AAMP: variants seen among roughly 807,000 people sequenced by gnomAD.
AAMP encodes the protein angio-associated migratory cell protein.
AAMP carries 12 observed loss-of-function variants against 51.1 expected under a neutral mutation model. That is an observed-to-expected ratio of 0.23 (90% CI 0.15 to 0.38). The LOEUF is 0.38. AAMP is among the 10% of genes least tolerant of loss of function. The pLI is 1.00. For synonymous variants in AAMP, 210 were observed against 218.7 expected, an observed-to-expected ratio of 0.96 and a Z score of 0.35; for missense variants, 418 against 557.2, an observed-to-expected ratio of 0.75 and a Z score of 2.52.
chr2:218,268,007 C>T (rs556833870), intron 2 of AAMP, among the ~76,000 whole-genome samples: 1 of 152,270 alleles, frequency 6.6e-6, no homozygotes, highest in East Asian at 1.9e-4. Flanking sequence ...CTTGCTCTGT[C>T]GCCCAGGCTG....
Position 218,267,092 on chromosome 2 carries a change from AAG to A in AAMP, c.395-108_395-107del. 1 of 1,374,756 alleles carries A rather than the reference AAG, an allele frequency of 7.3e-7. No individual in the cohort carries two copies. Among genetic ancestry groups the A allele is most frequent in the East Asian group, 2.3e-5 (1 of 42,618 alleles). 85.2% of individuals were successfully genotyped at this position (1,374,756 alleles called of 1,614,324 possible). On this transcript the variant is annotated intron_variant, in intron 3 of 10. Coordinates refer to ENST00000248450, the MANE Select transcript of AAMP (RefSeq NM_001087.5). This position sits in a 1 kb window ranked among gnomAD's most constrained non-coding sequence, Gnocchi z 4.6. ...CACTGAAAGGACCAGCTAGGAAAAAAAGAGGGGCGGGACTGAGCAGAACAGGT... is the reference window on the plus strand; with the variant it reads ...CACTGAAAGGACCAGCTAGGAAAAAAAGGGGCGGGACTGAGCAGAACAGGT...
intron 2 of AAMP, among the ~76,000 whole-genome samples, chr2:218,268,906 C>T (rs1447311463): frequency 6.6e-6 from 1 of 152,028 alleles, no homozygotes; most frequent in Non-Finnish European, 1.5e-5. Flanking sequence ...ACCATATTGG[C>T]CAGGCTGGTC....
At chr2:218,269,316 T>A in intron 2 of AAMP, 66 bp downstream of exon 2, 1 of 1,594,994 alleles carries the variant, frequency 6.3e-7, no homozygotes, top group Non-Finnish European at 8.6e-7. Context: ...GTTCTGTCCA[T>A]GGCTGATGTT....
At position 218,267,593 on chromosome 2, in the gene AAMP, G is replaced by T. The variant is rs1559493404; in HGVS notation, c.295C>A (p.Leu99Met). 1 of 1,614,144 alleles carries T rather than the reference G, an allele frequency of 6.2e-7. No homozygotes were observed. The highest frequency in any genetic ancestry group is 8.5e-7 in the Non-Finnish European group (1 of 1,180,036). Residue 99 changes from leucine (L) to methionine (M), a missense_variant, in exon 3 of 11, where the codon CTG becomes ATG. By Grantham distance (15) the Leu-to-Met change is conservative. Coordinates refer to ENST00000248450, the MANE Select transcript of AAMP (RefSeq NM_001087.5). The surrounding 1 kb of genome is among the most constrained non-coding windows in gnomAD (Gnocchi z 4.6). ...GCCAAGGTATTGGTCTTGGGGTCCAGGCTCACACAAAACACAGATGCTGTC... is the reference window on the plus strand; with the variant it reads ...GCCAAGGTATTGGTCTTGGGGTCCATGCTCACACAAAACACAGATGCTGTC... Reference protein sequence around the residue: ...LHSASVFCVSLDPKTNTLAVT... With the variant: ...LHSASVFCVSMDPKTNTLAVT...
In AAMP at chr2:218,265,336, C is replaced by T; in HGVS notation, c.1074+35G>A. ...CTGGGCTTCCCCACCACTATGGACA[C>T]AGCCCACAGGGACCCCAGCTCCAGC... On this transcript the variant is annotated intron_variant, in intron 9 of 10. Coordinates refer to ENST00000248450, the MANE Select transcript of AAMP (RefSeq NM_001087.5). This position sits in a 1 kb window ranked among gnomAD's most constrained non-coding sequence, Gnocchi z 6.6. The T allele has an allele frequency of 6.5e-7, 1 of 1,537,820 alleles. No homozygotes were observed. The highest frequency in any genetic ancestry group is 1.2e-5 in the South Asian group (1 of 84,396).
chr2:218,267,561 G>C lies in AAMP; in HGVS notation c.327C>G (p.Thr109=), dbSNP rs140509699. 2 of 1,613,890 alleles carry C rather than the reference G, an allele frequency of 1.2e-6. No homozygotes were observed. The highest frequency in any genetic ancestry group is 1.7e-5 in the Admixed American group (1 of 59,982). ...LDPKTNTLAV[T]GGEDDKAFVW... is the part of the protein sequence containing the mutation. ...CGAAGGCTTTGTCATCTTCACCCCC[G>C]GTCACTGCCAAGGTATTGGTCTTGG... is the stretch of plus-strand genomic sequence containing the variant. Residue 109 remains threonine, a synonymous_variant, in exon 3 of 11, where the codon ACC becomes ACG. Transcript: ENST00000248450. The surrounding 1 kb of genome is among the most constrained non-coding windows in gnomAD (Gnocchi z 4.6).
rs150748826 is a variant in AAMP, at chr2:218,265,087, G to A, written c.1162C>T (p.Arg388Trp). The A allele has an allele frequency of 2.4e-5, 39 of 1,613,590 alleles. No individual in the cohort carries two copies. The highest frequency in any genetic ancestry group is 9.3e-5 in the African/African-American group (7 of 75,050). The change falls in exon 10 of 11, where the codon CGG (arginine) becomes TGG (tryptophan). Residue 388 changes from arginine to tryptophan, a missense_variant. Arg to Trp is a moderately radical substitution (Grantham distance 101, BLOSUM62 -3). Transcript: ENST00000248450. This position sits in a 1 kb window ranked among gnomAD's most constrained non-coding sequence, Gnocchi z 6.6. ...LDGIVRLWDA[R>W]TGRLLTDYRG... ...TAGTCAGTAAGCAGGCGGCCGGTCC[G>A]GGCGTCCCAGAGGCGCACGATGCCA...
intron 1 of AAMP, 48 bp from the exon 2 acceptor site, chr2:218,269,582 G>A (rs1355353443): frequency 6.2e-7 from 1 of 1,613,746 alleles, no homozygotes; most frequent in Non-Finnish European, 8.5e-7. Flanking sequence ...GGCGGTAAGA[G>A]GTACGGAGAG....
In AAMP at chr2:218,269,366, C is replaced by A. The variant is rs539317095; in HGVS notation, c.274+16G>T. On this transcript the variant is annotated intron_variant, in intron 2 of 10. Coordinates refer to ENST00000248450, the MANE Select transcript of AAMP (RefSeq NM_001087.5). ...CCACCTAAACTGATTTGAGGTGGATCGCCTCAAAGACCTACCTGAGTGCAA... is the reference window on the plus strand; with the variant it reads ...CCACCTAAACTGATTTGAGGTGGATAGCCTCAAAGACCTACCTGAGTGCAA... 6 of 1,613,454 alleles carry A rather than the reference C, an allele frequency of 3.7e-6. No individual in the cohort carries two copies. The African/African-American group carries it at 6.7e-5, about 18-fold the overall frequency.
rs1366220596 is a variant in AAMP at position 218,265,222 on chromosome 2, G to A, written c.1075-48C>T. The stretch of plus-strand genomic sequence containing the variant: ...CAGGGCGGAGGTTGGCAGGAGAGCT[G>A]AGAGCCATCTGCTCCCAATTCTCAA... On this transcript the variant is annotated intron_variant, in intron 9 of 10. Coordinates refer to ENST00000248450, the MANE Select transcript of AAMP (RefSeq NM_001087.5). This position sits in a 1 kb window ranked among gnomAD's most constrained non-coding sequence, Gnocchi z 6.6. The A allele has an allele frequency of 1.9e-6, 3 of 1,568,064 alleles. No individual in the cohort carries two copies. The highest frequency in any genetic ancestry group is 2.2e-5 in the East Asian group (1 of 44,526).
rs966463340 is a variant in AAMP, at chr2:218,267,937, C to G, written c.275-324G>C. On this transcript the variant is annotated intron_variant, in intron 2 of 10. Coordinates refer to ENST00000248450, the MANE Select transcript of AAMP (RefSeq NM_001087.5). This position sits in a 1 kb window ranked among gnomAD's most constrained non-coding sequence, Gnocchi z 4.6. ...GATGCCACCGGGGTTGGGTACAGAG[C>G]GAGGAGAGCATCACGTTAAGGGTTT... 6.6e-6 allele frequency among the ~76,000 whole-genome samples: 1 copy of G among 152,044 alleles called. No individual in the cohort carries two copies. Among genetic ancestry groups the G allele is most frequent in the Non-Finnish European group, 1.5e-5 (1 of 67,998 alleles).
chr2:218,266,269 G>A lies in AAMP; in HGVS notation c.680-122C>T, dbSNP rs1462993543. On this transcript the variant is annotated intron_variant, in intron 5 of 10. Coordinates refer to ENST00000248450, the MANE Select transcript of AAMP (RefSeq NM_001087.5). The surrounding 1 kb of genome is among the most constrained non-coding windows in gnomAD (Gnocchi z 4.7). The stretch of plus-strand genomic sequence containing the variant: ...CCAGACACTGCCCCAGGAATCACAG[G>A]TGAGTTCAGAGCAGGAAGGAGGCGC... The A allele has an allele frequency of 3.8e-6, 5 of 1,299,020 alleles. No homozygotes were observed. The highest frequency in any genetic ancestry group is 1.3e-5 in the South Asian group (1 of 76,218). 80.5% of individuals were successfully genotyped at this position (1,299,020 alleles called of 1,614,324 possible). A position where few individuals can be genotyped will look rare whatever the true frequency, so the allele number is the denominator to read the frequency against.
At position 218,265,525 on chromosome 2, in the gene AAMP, C is replaced by T; in HGVS notation, c.983+54G>A. 1 of 1,589,042 alleles carries T rather than the reference C, an allele frequency of 6.3e-7. No homozygotes were observed. The highest frequency in any genetic ancestry group is 2.2e-5 in the East Asian group (1 of 44,686). ...TGGACTCACACGCCCTGCCGTCCTC[C>T]CGGGCCCCCAGCCCAGGCCCCTCCC... On this transcript the variant is annotated intron_variant, in intron 8 of 10. Coordinates refer to ENST00000248450, the MANE Select transcript of AAMP (RefSeq NM_001087.5). This position sits in a 1 kb window ranked among gnomAD's most constrained non-coding sequence, Gnocchi z 6.6.
Position 218,265,037 on chromosome 2 carries a change from C to A in AAMP, c.1212G>T (p.Leu404=). Residue 404 remains leucine (L), a synonymous_variant, in exon 10 of 11, where the codon CTG becomes CTT. Transcript: ENST00000248450. This position sits in a 1 kb window ranked among gnomAD's most constrained non-coding sequence, Gnocchi z 6.6. ...TDYRGHTAEI[L]DFALSKDASL... The stretch of plus-strand genomic sequence containing the variant: ...TCACTTACTTGCTGAGGGCAAAGTC[C>A]AGGATCTCAGCCGTGTGGCCCCGGT... The A allele has an allele frequency of 6.2e-7, 1 of 1,613,856 alleles. No individual in the cohort carries two copies. Among genetic ancestry groups the A allele is most frequent in the African/African-American group, 1.3e-5 (1 of 75,042 alleles).
intron 2 of AAMP, 44 bp downstream of exon 2, chr2:218,269,338 C>G (rs779370406): frequency 2.0e-5 from 33 of 1,609,870 alleles, no homozygotes; most frequent in Non-Finnish European, 2.7e-5. Context: ...AATGCTTACA[C>G]GCCCACCTAA....
At chr2:218,264,756 G>T (rs545817055) in intron 10 of AAMP, 148 bp from the exon 11 acceptor site, 94 of 826,290 alleles carry the variant, frequency 1.1e-4, no homozygotes, top group Non-Finnish European at 1.7e-4. Context: ...GCATGGAGGG[G>T]ATTAGAGGAA....
chr2:218,266,682 G>A lies in AAMP; in HGVS notation c.535-95C>T. 1 of 1,555,678 alleles carries A rather than the reference G, an allele frequency of 6.4e-7. No homozygotes were observed. Among genetic ancestry groups the A allele is most frequent in the Non-Finnish European group, 8.7e-7 (1 of 1,146,762 alleles). On this transcript the variant is annotated intron_variant, in intron 4 of 10. Coordinates refer to ENST00000248450, the MANE Select transcript of AAMP (RefSeq NM_001087.5). The surrounding 1 kb of genome is among the most constrained non-coding windows in gnomAD (Gnocchi z 4.7). The stretch of plus-strand genomic sequence containing the variant: ...TCCACCCAAGGTTTCCTGCCTCTGG[G>A]GTTCCGCGGGGACTTTCCAGGTAGC...
Position 218,266,177 on chromosome 2 carries a change from A to G in AAMP, c.680-30T>C, listed in dbSNP as rs1387664662. 2 of 1,596,358 alleles carry G rather than the reference A, an allele frequency of 1.3e-6. No homozygotes were observed. Among genetic ancestry groups the G allele is most frequent in the African/African-American group, 1.3e-5 (1 of 74,548 alleles). On this transcript the variant is annotated intron_variant, in intron 5 of 10. Coordinates refer to ENST00000248450, the MANE Select transcript of AAMP (RefSeq NM_001087.5). This position sits in a 1 kb window ranked among gnomAD's most constrained non-coding sequence, Gnocchi z 4.7. ...AGAGAGGCACAGATGAAGAGAGGGCAGAGGGCACGCTCACATACACTAAGC... is the reference window on the plus strand; with the variant it reads ...AGAGAGGCACAGATGAAGAGAGGGCGGAGGGCACGCTCACATACACTAAGC...
At chr2:218,269,811 G>T in intron 1 of AAMP, 155 bp downstream of exon 1, 2 of 1,267,722 alleles carry the variant, frequency 1.6e-6, no homozygotes, top group Non-Finnish European at 2.2e-6. Flanking sequence ...AGCCAGGCCT[G>T]AGAACTAAGT....
Sources: allele counts gnomAD v4.1 joint callset (sites outside exome capture counted in the v4.1 genomes callset), GRCh38; gene constraint gnomAD v4.1.1; non-coding constraint Gnocchi (gnomAD v3.1); transcripts MANE v1.5; gene names NCBI Gene and HGNC (gene_info 2026-07-23, HGNC 2026-07-21).